DAP3: variants seen among roughly 807,000 people sequenced by gnomAD.
The protein encoded by DAP3 is death associated protein 3.
DAP3 carries 28 observed loss-of-function variants against 51.9 expected under a neutral mutation model. The observed-to-expected ratio is 0.54, with a 90% CI of 0.40 to 0.74. The LOEUF (loss-of-function observed/expected upper bound fraction) is 0.74. DAP3 is among the 30% of genes least tolerant of loss of function. The probability of loss-of-function intolerance (pLI) is 0.00; values close to 1 mark genes in which losing one functional copy is unlikely to be tolerated. For synonymous variants in DAP3, 170 were observed against 170.3 expected, an observed-to-expected ratio of 1.00 and a Z score of 0.01; for missense variants, 458 against 483.5, an observed-to-expected ratio of 0.95 and a Z score of 0.49.
chr1:155,730,225 A>G (rs2149196465), intron 9 of DAP3, among the ~76,000 whole-genome samples: 1 of 148,412 alleles, frequency 6.7e-6, no homozygotes, highest in Non-Finnish European at 1.5e-5. Context: ...TATAATATTC[A>G]TATATGTATA....
At chr1:155,731,861 GA>G (rs144369278) in intron 10 of DAP3, 82 bp from the exon 11 acceptor site, 1,262 of 1,324,018 alleles carry the variant, frequency 9.5e-4, no homozygotes, top group Admixed American at 1.3e-3. Context: ...GCCCAAGAAA[GA>G]AAAAAAAAAT....
chr1:155,709,847 A>C, intron 2 of DAP3, 23 bp downstream of exon 2: 1 of 1,608,932 alleles, frequency 6.2e-7, no homozygotes, highest in Non-Finnish European at 8.5e-7. Context: ...TGACCTGAAC[A>C]CTCTGTGCAT....
intron 1 of DAP3, among the ~76,000 whole-genome samples, chr1:155,690,858 G>T (rs1019611574): frequency 7.0e-6 from 1 of 142,198 alleles, no homozygotes; most frequent in South Asian, 2.1e-4. Flanking sequence ...TCCCACCTCA[G>T]CCATCTGAGC....
chr1:155,705,673 CTTTT>C (rs753133281), intron 1 of DAP3, among the ~76,000 whole-genome samples: 1 of 150,556 alleles, frequency 6.6e-6, no homozygotes, highest in East Asian at 1.9e-4. Context: ...TTCTCTCTCT[CTTTT>C]TATTTATTTT....
chr1:155,688,987 C>G (rs771702169), upstream of DAP3: 1 of 1,602,790 alleles, frequency 6.2e-7, no homozygotes, highest in Non-Finnish European at 8.5e-7. Flanking sequence ...GGGACCGCGG[C>G]GAGGGGATCG....
Position 155,722,322 on chromosome 1 carries a change from G to A in DAP3, c.270+704G>A, listed in dbSNP as rs536625948. On this transcript the variant is annotated intron_variant, in intron 4 of 12. Transcript: ENST00000368336. ...CTCAGGTGGCTGAGGTTGGAGGATC[G>A]CTTGAGCTCAGGAGGTGAGGGCTTC... Among the ~76,000 whole-genome samples, 7 of 152,232 alleles carry A rather than the reference G, an allele frequency of 4.6e-5. No individual in the cohort carries two copies. In the East Asian group the frequency reaches 9.6e-4, roughly 21 times the overall value.
intron 11 of DAP3, among the ~76,000 whole-genome samples, chr1:155,735,122 A>G (rs1489230020): frequency 4.0e-5 from 6 of 150,152 alleles, no homozygotes; most frequent in African/African-American, 1.5e-4. Flanking sequence ...AAAAAAAAAA[A>G]AGAAAAAAAA....
chr1:155,698,671 A>G (rs545079235), intron 1 of DAP3, among the ~76,000 whole-genome samples: 6 of 152,280 alleles, frequency 3.9e-5, no homozygotes, highest in African/African-American at 1.2e-4. Flanking sequence ...CAATCTTTCA[A>G]TTCCAAAGTT....
chr1:155,698,264 T>C (rs561771852), intron 1 of DAP3, among the ~76,000 whole-genome samples: 1 of 152,302 alleles, frequency 6.6e-6, no homozygotes, highest in East Asian at 1.9e-4. Flanking sequence ...AGAGTATTGA[T>C]TGGGGAGGTG....
intron 1 of DAP3, among the ~76,000 whole-genome samples, chr1:155,706,135 G>A (rs555502800): frequency 3.3e-5 from 5 of 152,140 alleles, no homozygotes; most frequent in East Asian, 1.9e-4. Context: ...AAGTAGCTAC[G>A]ACTACAGTCC....
chr1:155,694,618 C>T (rs1262698779), intron 1 of DAP3, among the ~76,000 whole-genome samples: 1 of 122,396 alleles, frequency 8.2e-6, no homozygotes, highest in Non-Finnish European at 1.5e-5. Flanking sequence ...TCATTCGAGC[C>T]ATCAGGCGTG....
At chr1:155,714,203 A>G (rs1323138012) in intron 2 of DAP3, among the ~76,000 whole-genome samples, 1 of 152,190 alleles carries the variant, frequency 6.6e-6, no homozygotes, top group Non-Finnish European at 1.5e-5. Context: ...TTTGAGACTT[A>G]TTTTGACATC....
intron 9 of DAP3, among the ~76,000 whole-genome samples, chr1:155,730,221 A>G (rs1659088915): frequency 6.7e-6 from 1 of 148,446 alleles, no homozygotes; most frequent in African/African-American, 2.5e-5. Context: ...TATATATAAT[A>G]TTCATATATG....
At chr1:155,733,518 C>G (rs563425806) in intron 11 of DAP3, among the ~76,000 whole-genome samples, 1 of 152,028 alleles carries the variant, frequency 6.6e-6, no homozygotes, top group Non-Finnish European at 1.5e-5. Flanking sequence ...TTTTGGTGCT[C>G]AAATCATCTT....
intron 2 of DAP3, 40 bp downstream of exon 2, chr1:155,709,864 T>C: frequency 6.3e-7 from 1 of 1,584,790 alleles, no homozygotes; most frequent in South Asian, 1.1e-5. Context: ...GCATACTGCC[T>C]TTAGGTTCCC....
chr1:155,694,050 C>G (rs1305210023), intron 1 of DAP3, among the ~76,000 whole-genome samples: 2 of 141,960 alleles, frequency 1.4e-5, no homozygotes, highest in Non-Finnish European at 2.9e-5. Flanking sequence ...GTTGACACCT[C>G]TCTTTTCTGG....
At chr1:155,708,421 G>T (rs892128848) in intron 1 of DAP3, among the ~76,000 whole-genome samples, 4 of 151,946 alleles carry the variant, frequency 2.6e-5, no homozygotes, top group African/African-American at 9.7e-5. Context: ...TTTCAACTTT[G>T]CAAAGATAGT....
intron 2 of DAP3, among the ~76,000 whole-genome samples, chr1:155,716,803 C>G (rs1381427173): frequency 6.6e-6 from 1 of 151,844 alleles, no homozygotes; most frequent in South Asian, 2.1e-4. Context: ...AAAAATCAGC[C>G]GGGTGTGGTG....
upstream of DAP3, chr1:155,688,752 C>A (rs1653155567): frequency 3.3e-6 from 5 of 1,519,758 alleles, no homozygotes; most frequent in East Asian, 7.3e-5. Context: ...CCAAAGCAGC[C>A]GCCGCCAGCA....
Sources: allele counts gnomAD v4.1 joint callset (sites outside exome capture counted in the v4.1 genomes callset), GRCh38; gene constraint gnomAD v4.1.1; transcripts MANE v1.5; gene names NCBI Gene and HGNC (gene_info 2026-07-23, HGNC 2026-07-21).